Variants in SMIM13 observed in about 807,000 individuals in gnomAD.
The protein encoded by SMIM13 is small integral membrane protein 13.
Under a neutral mutation model 5.9 loss-of-function variants are expected in SMIM13, and 3 were observed. That is an observed-to-expected ratio of 0.51 (90% confidence interval 0.23 to 1.31). The LOEUF (loss-of-function observed/expected upper bound fraction) is 1.31, where lower values mean the gene tolerates loss of function less well. SMIM13 is among the 40% of genes most tolerant of loss of function. SMIM13 has a pLI of 0.18. For synonymous variants in SMIM13, 55 were observed against 46.0 expected (o/e 1.19, Z -0.79); for missense variants, 85 against 109.9 (o/e 0.77, Z 1.01).
At chr6:11,113,214 C>T (rs1388958615) in intron 1 of SMIM13, among the ~76,000 whole-genome samples, 3 of 152,304 alleles carry the variant, frequency 2.0e-5, no homozygotes, top group Middle Eastern at 3.4e-3. Flanking sequence ...AACTTCATTT[C>T]TCTTGAGAAA....
Position 11,134,550 on chromosome 6 carries a change from C to G in SMIM13, c.224C>G (p.Ser75Cys), listed in dbSNP as rs1254032122. The G allele has an allele frequency of 6.5e-7, 1 of 1,550,130 alleles. No homozygotes were observed. Among genetic ancestry groups the G allele is most frequent in the Non-Finnish European group, 8.7e-7 (1 of 1,146,080 alleles). Residue 75 changes from serine to cysteine, a missense_variant, in exon 2 of 2, where the codon TCC becomes TGC. Coordinates refer to ENST00000416247, the MANE Select transcript of SMIM13 (RefSeq NM_001135575.2). ...TCCTCCTCTCCACACAGAATCAGAT[C>G]CGCTCGCCAAAGGAGGGCACCTGCT... ...DTSSSPHRIR[S>C]ARQRRAPADE...
chr6:11,134,501 G>C lies in SMIM13; in HGVS notation c.175G>C (p.Gly59Arg), dbSNP rs1758491782. Residue 59 changes from glycine to arginine, a missense_variant, in exon 2 of 2, where the codon GGG becomes CGG. Gly to Arg is a moderately radical substitution (Grantham distance 125). Coordinates refer to ENST00000416247, the MANE Select transcript of SMIM13 (RefSeq NM_001135575.2). Reference protein sequence around the residue: ...GSQEGDHEPSGSETEEDTSSS... With the variant: ...GSQEGDHEPSRSETEEDTSSS... Reference sequence around the variant, plus strand: ...CCAAGAGGGAGATCATGAGCCTTCAGGGTCTGAAACTGAAGAAGACACTTC... The same window carrying C: ...CCAAGAGGGAGATCATGAGCCTTCACGGTCTGAAACTGAAGAAGACACTTC... 1 of 1,551,250 alleles carries C rather than the reference G, an allele frequency of 6.4e-7. No individual in the cohort carries two copies.
chr6:11,126,738 A>G (rs544281880), intron 1 of SMIM13, among the ~76,000 whole-genome samples: 1 of 152,206 alleles, frequency 6.6e-6, no homozygotes, highest in South Asian at 2.1e-4. Context: ...TGGTCTTCAC[A>G]ATCTGGGCTT....
chr6:11,113,305 C>G (rs1240078199), intron 1 of SMIM13, among the ~76,000 whole-genome samples: 1 of 152,202 alleles, frequency 6.6e-6, no homozygotes. Flanking sequence ...ATGGTATTGT[C>G]TGTTTTTAAT....
rs148885920 is a variant in SMIM13, at chr6:11,098,366, C to T, written c.76+3977C>T. ...TGTGGTGGTCGCTTCTTAGTCCTAA[C>T]TGAGCTTAAATTGTCATATTCATTC... On this transcript the variant is annotated intron_variant, in intron 1 of 1. Transcript: ENST00000416247. 3.5e-4 allele frequency among the ~76,000 whole-genome samples: 53 copies of T among 152,340 alleles called. No homozygotes were observed. In the East Asian group the frequency reaches 0.01, roughly 29 times the overall value.
At chr6:11,105,351 G>T in intron 1 of SMIM13, 1 of 1,472,918 alleles carries the variant, frequency 6.8e-7, no homozygotes, top group Non-Finnish European at 9.4e-7. Flanking sequence ...AGCTGCCAAT[G>T]GAACTCCTGG....
At position 11,134,567 on chromosome 6, in the gene SMIM13, G is replaced by A; in HGVS notation, c.241G>A (p.Ala81Thr). The A allele has an allele frequency of 6.5e-7, 1 of 1,548,924 alleles. No homozygotes were observed. Among genetic ancestry groups the A allele is most frequent in the Non-Finnish European group, 8.7e-7 (1 of 1,145,514 alleles). Residue 81 changes from alanine to threonine, a missense_variant, in exon 2 of 2, where the codon GCA becomes ACA. Coordinates refer to ENST00000416247, the MANE Select transcript of SMIM13 (RefSeq NM_001135575.2). The stretch of plus-strand genomic sequence containing the variant: ...AATCAGATCCGCTCGCCAAAGGAGG[G>A]CACCTGCTGATGAAGGCCACAGACC... The part of the protein sequence containing the change: ...HRIRSARQRR[A>T]PADEGHRPLT
chr6:11,111,849 A>G (rs1188349541), intron 1 of SMIM13: 1 of 151,990 alleles, frequency 6.6e-6, no homozygotes, highest in African/African-American at 2.4e-5. Flanking sequence ...AGCACTTGGG[A>G]GGAGCCACAT....
intron 1 of SMIM13, among the ~76,000 whole-genome samples, chr6:11,108,424 T>C (rs1366228593): frequency 1.1e-4 from 16 of 152,184 alleles, no homozygotes; most frequent in Admixed American, 9.2e-4. Flanking sequence ...CCAGTTGGGA[T>C]GTCCTGAGGG....
chr6:11,102,951 C>G (rs1758017346), intron 1 of SMIM13: 1 of 152,178 alleles, frequency 6.6e-6, no homozygotes, highest in African/African-American at 2.4e-5. Context: ...CTTGAGAGAT[C>G]CAATTGCCTT....
chr6:11,099,806 A>G (rs535542144), intron 1 of SMIM13, among the ~76,000 whole-genome samples: 2 of 152,268 alleles, frequency 1.3e-5, no homozygotes, highest in South Asian at 2.1e-4. Flanking sequence ...TAGCCACTAT[A>G]TATTTTTAGA....
In SMIM13 at chr6:11,134,676, A is replaced by G; in HGVS notation, c.*74A>G. ...ACTGACTTCGCTTTGAAATTTACTA[A>G]TGACTGAAGAACATTTGTATTGGAT... On this transcript the variant is annotated 3_prime_UTR_variant, in exon 2 of 2. Coordinates refer to ENST00000416247, the MANE Select transcript of SMIM13 (RefSeq NM_001135575.2). 9.3e-7 allele frequency: 1 copy of G among 1,070,516 alleles called. No individual in the cohort carries two copies. Among genetic ancestry groups the G allele is most frequent in the Non-Finnish European group, 1.3e-6 (1 of 791,282 alleles). The allele number at this position is 1,070,516 out of a possible 1,614,324, so 66.3% of individuals were successfully genotyped here. A position where few individuals can be genotyped will look rare whatever the true frequency, so the allele number is the denominator to read the frequency against.
intron 1 of SMIM13, among the ~76,000 whole-genome samples, chr6:11,122,426 C>T (rs55784767): frequency 0.017 from 2,631 of 152,246 alleles, 70 homozygotes; most frequent in African/African-American, 0.06. Flanking sequence ...TACCTTGCTC[C>T]GACTTTGAGT....
At chr6:11,103,750 G>A in intron 1 of SMIM13, 1 of 1,551,670 alleles carries the variant, frequency 6.4e-7, no homozygotes, top group Non-Finnish European at 8.7e-7. Context: ...AGATTCGTCT[G>A]GAGCTTTATG....
At chr6:11,104,733 C>G (rs1561752871) in intron 1 of SMIM13, 1 of 1,614,174 alleles carries the variant, frequency 6.2e-7, no homozygotes. Flanking sequence ...GCGTCCCTGG[C>G]AAAACCGGCT....
At chr6:11,099,109 TCTAG>T (rs2113637505) in intron 1 of SMIM13, among the ~76,000 whole-genome samples, 1 of 152,308 alleles carries the variant, frequency 6.6e-6, no homozygotes, top group African/African-American at 2.4e-5. Flanking sequence ...AAATGTCTGC[TCTAG>T]CTAATGACTC....
chr6:11,119,673 G>A (rs1758286428), intron 1 of SMIM13, among the ~76,000 whole-genome samples: 1 of 149,498 alleles, frequency 6.7e-6, no homozygotes, highest in South Asian at 2.1e-4. Flanking sequence ...AGAAAATTTG[G>A]TCCTCATCAT....
chr6:11,120,699 T>TA (rs1193494753), intron 1 of SMIM13, among the ~76,000 whole-genome samples: 1 of 152,188 alleles, frequency 6.6e-6, no homozygotes, highest in Non-Finnish European at 1.5e-5. Flanking sequence ...AGAAATTTGA[T>TA]ACGCTGTTAA....
At chr6:11,106,536 C>T (rs1010920412) in intron 1 of SMIM13, among the ~76,000 whole-genome samples, 24 of 152,270 alleles carry the variant, frequency 1.6e-4, no homozygotes, top group Admixed American at 9.8e-4. Context: ...TTGATGGTTT[C>T]CATTGGTAGG....
Sources: allele counts gnomAD v4.1 joint callset (sites outside exome capture counted in the v4.1 genomes callset), GRCh38; gene constraint gnomAD v4.1.1; transcripts MANE v1.5; gene names NCBI Gene and HGNC (gene_info 2026-07-23, HGNC 2026-07-21).